The following TMEM132B variants were observed in gnomAD, a reference collection of about 807,000 sequenced individuals.
TMEM132B encodes transmembrane protein 132B.
Under a neutral mutation model 90.8 loss-of-function variants are expected in TMEM132B, and 18 were observed. That is an observed-to-expected ratio of 0.20 (90% CI 0.14 to 0.29). The LOEUF (loss-of-function observed/expected upper bound fraction) is 0.29, where lower values mean the gene tolerates loss of function less well. Ranked by LOEUF, TMEM132B falls within the 10% of genes least tolerant of loss-of-function variation. The pLI is 1.00. For missense variants in TMEM132B, 1,096 were observed against 1,326.8 expected, an observed-to-expected ratio of 0.83 and a Z score of 2.70; for synonymous variants, 504 against 523.3, an observed-to-expected ratio of 0.96 and a Z score of 0.50.
At chr12:125,256,310 T>A (rs923023225) in intron 1 of TMEM132B, among the ~76,000 whole-genome samples, 5 of 152,192 alleles carry the variant, frequency 3.3e-5, no homozygotes, top group African/African-American at 1.2e-4. Context: ...TGAGGGCAAC[T>A]TAAGAACATC....
At chr12:125,258,532 C>A (rs1874490165) in intron 1 of TMEM132B, among the ~76,000 whole-genome samples, 1 of 152,134 alleles carries the variant, frequency 6.6e-6, no homozygotes, top group Non-Finnish European at 1.5e-5. Context: ...AACATGTTGG[C>A]CTCCAGACTC....
At chr12:125,646,440 G>C (rs138388664) in intron 6 of TMEM132B, among the ~76,000 whole-genome samples, 1 of 152,216 alleles carries the variant, frequency 6.6e-6, no homozygotes. Flanking sequence ...AAAAGGCCAA[G>C]GTGGATCTCG....
intron 3 of TMEM132B, among the ~76,000 whole-genome samples, chr12:125,488,194 CTT>C (rs1882249619): frequency 6.6e-6 from 1 of 152,108 alleles, no homozygotes; most frequent in Admixed American, 6.5e-5. Context: ...GGAAATCAAA[CTT>C]AGGGAAAAGA....
At chr12:125,430,362 C>T (rs1009256170) in intron 3 of TMEM132B, among the ~76,000 whole-genome samples, 1 of 152,102 alleles carries the variant, frequency 6.6e-6, no homozygotes, top group Non-Finnish European at 1.5e-5. Context: ...ATGAAATGTG[C>T]AGGGAGCTAA....
intron 2 of TMEM132B, among the ~76,000 whole-genome samples, chr12:125,355,368 A>G (rs370536131): frequency 6.6e-6 from 1 of 152,140 alleles, no homozygotes; most frequent in Non-Finnish European, 1.5e-5. Flanking sequence ...AGCTGGAGGC[A>G]GGATAGCTAG....
intron 3 of TMEM132B, among the ~76,000 whole-genome samples, chr12:125,488,581 A>G (rs1175948853): frequency 1.3e-5 from 2 of 152,182 alleles, no homozygotes; most frequent in Non-Finnish European, 1.5e-5. Context: ...GCCTGCTGCC[A>G]TCCATGTAAG....
At position 125,190,952 on chromosome 12, in the gene TMEM132B, T is replaced by TGGTGAC. The variant is rs1201498522; in HGVS notation, c.67+4088_67+4089insTGACGG. Among the ~76,000 whole-genome samples, 90 of 21,488 alleles carry TGGTGAC rather than the reference T, an allele frequency of 4.2e-3. 21 individuals are homozygous for TGGTGAC. The highest frequency in any genetic ancestry group is 6.3e-3 in the Non-Finnish European group (66 of 10,396). 14.1% of individuals were successfully genotyped at this position (21,488 alleles called of 152,430 possible). ...GATGGTGACGGGGAAGGGGTGGTGATGGGGAAGGGGTGGTGGTGGTGATGG... is the reference window on the plus strand; with the variant it reads ...GATGGTGACGGGGAAGGGGTGGTGATGGTGACGGGGAAGGGGTGGTGGTGGTGATGG... On this transcript the variant is annotated intron_variant, in intron 1 of 8. Coordinates refer to ENST00000682704, the MANE Select transcript of TMEM132B (RefSeq NM_001366854.1).
chr12:125,545,090 A>C (rs529418219), intron 4 of TMEM132B, among the ~76,000 whole-genome samples: 9 of 152,272 alleles, frequency 5.9e-5, no homozygotes, highest in African/African-American at 1.9e-4. Context: ...CTGTGGGGGA[A>C]ACCATAATCA....
intron 1 of TMEM132B, among the ~76,000 whole-genome samples, chr12:125,267,882 C>A (rs550678172): frequency 6.6e-6 from 1 of 152,092 alleles, no homozygotes; most frequent in Non-Finnish European, 1.5e-5. Context: ...GCAGTGTGGA[C>A]CAATCAATAT....
intron 3 of TMEM132B, among the ~76,000 whole-genome samples, chr12:125,456,209 G>C (rs935934364): frequency 5.3e-5 from 8 of 152,158 alleles, no homozygotes; most frequent in Non-Finnish European, 1.0e-4. Flanking sequence ...TATTGCGTTT[G>C]CTACCACAGC....
intron 3 of TMEM132B, among the ~76,000 whole-genome samples, chr12:125,431,638 T>C (rs960719166): frequency 6.6e-6 from 1 of 152,160 alleles, no homozygotes; most frequent in Non-Finnish European, 1.5e-5. Flanking sequence ...AAACCCACGA[T>C]TGGGAAGAGG....
chr12:125,618,671 T>C (rs181184767), intron 5 of TMEM132B, among the ~76,000 whole-genome samples: 7 of 151,880 alleles, frequency 4.6e-5, no homozygotes, highest in Admixed American at 3.9e-4. Context: ...ATCCTTTAAA[T>C]GTTTTTTTTT....
chr12:125,432,528 T>TATATATATATATAGAGAGAG (rs1458075923), intron 3 of TMEM132B, among the ~76,000 whole-genome samples: 2 of 39,124 alleles, frequency 5.1e-5, no homozygotes, highest in African/African-American at 2.5e-4. Flanking sequence ...TATATATATA[T>TATATATATATATAGAGAGAG]AGAGAGAGAG....
At chr12:125,558,027 A>T (rs769793876) in intron 4 of TMEM132B, among the ~76,000 whole-genome samples, 1 of 152,234 alleles carries the variant, frequency 6.6e-6, no homozygotes, top group African/African-American at 2.4e-5. Flanking sequence ...AGGACTGTTC[A>T]TGAGCAGGCT....
intron 2 of TMEM132B, among the ~76,000 whole-genome samples, chr12:125,366,692 G>A (rs1593107228): frequency 2.0e-5 from 3 of 152,128 alleles, no homozygotes; most frequent in African/African-American, 7.2e-5. Flanking sequence ...AGTTAAATTT[G>A]TACATTTATG....
rs542940320 is a variant in TMEM132B, at chr12:125,589,294, A to G, written c.1437+5300A>G. Among the ~76,000 whole-genome samples the G allele has an allele frequency of 5.3e-5, 8 of 152,124 alleles. No individual in the cohort carries two copies. In the East Asian group the frequency reaches 7.8e-4, roughly 15 times the overall value. On this transcript the variant is annotated intron_variant, in intron 5 of 8. Transcript: ENST00000682704. ...TCAGGAGATCGAGACCATCCTGGCT[A>G]ACACGGTGAAACCCTGTCTCTACTA...
chr12:125,620,086 G>A (rs536672001), intron 5 of TMEM132B, among the ~76,000 whole-genome samples: 12 of 152,316 alleles, frequency 7.9e-5, no homozygotes, highest in Non-Finnish European at 1.8e-4. Context: ...AATCATAGTT[G>A]CGATGTGTCA....
At chr12:125,432,501 A>ATGTATGTGTATATATATATGTG (rs1566034807) in intron 3 of TMEM132B, among the ~76,000 whole-genome samples, 1 of 29,990 alleles carries the variant, frequency 3.3e-5, no homozygotes, top group African/African-American at 3.5e-4. Context: ...GTGTATATAT[A>ATGTATGTGTATATATATATGTG]TGTGTGTGTG....
intron 3 of TMEM132B, among the ~76,000 whole-genome samples, chr12:125,471,215 C>A (rs1881709214): frequency 2.0e-5 from 3 of 152,222 alleles, no homozygotes; most frequent in South Asian, 2.1e-4. Flanking sequence ...TGTTTTCAGT[C>A]CCATGCGGGA....
Sources: allele counts gnomAD v4.1 joint callset (sites outside exome capture counted in the v4.1 genomes callset), GRCh38; gene constraint gnomAD v4.1.1; transcripts MANE v1.5; gene names NCBI Gene and HGNC (gene_info 2026-07-23, HGNC 2026-07-21).